Variants in LRATD2 observed in about 807,000 individuals in gnomAD.
LRATD2 encodes LRAT domain containing 2.
LRATD2 carries 10 observed loss-of-function variants against 12.0 expected under a neutral mutation model. The observed-to-expected ratio is 0.83, with a 90% CI of 0.51 to 1.41. The LOEUF is 1.41. Among genes scored for constraint, LRATD2 ranks in the 40% most tolerant of loss-of-function variants. The probability of loss-of-function intolerance (pLI) is 0.00; values close to 1 mark genes in which losing one functional copy is unlikely to be tolerated. For missense variants in LRATD2, 455 were observed against 446.1 expected (o/e 1.02, Z -0.18); for synonymous variants, 220 against 205.8 (o/e 1.07, Z -0.59).
rs1021817064 is a variant in LRATD2, at chr8:126,557,209, C to T, written c.181G>A (p.Asp61Asn). Residue 61 changes from aspartate to asparagine, a missense_variant, in exon 2 of 2, where the codon GAC (aspartate) becomes AAC (asparagine). Asp to Asn is a conservative substitution (Grantham distance 23). Transcript: ENST00000304916. The surrounding 1 kb of genome is among the most constrained non-coding windows in gnomAD (Gnocchi z 5.3). Reference protein sequence around the residue: ...PQGPDGGGLPDGGDGPPPPQP... With the variant: ...PQGPDGGGLPNGGDGPPPPQP... ...GGCGGCGGCGGCCCGTCCCCACCGT[C>T]GGGCAAGCCGCCGCCATCTGGCCCC... is the stretch of plus-strand genomic sequence containing the variant. 7.5e-6 allele frequency: 12 copies of T among 1,599,114 alleles called. No individual in the cohort carries two copies. The highest frequency in any genetic ancestry group is 1.0e-5 in the Non-Finnish European group (12 of 1,173,722).
rs1162656831 is a variant in LRATD2, at chr8:126,552,568, A to G, written c.*3889T>C. ...AAAAGATATCATCAATCTTTTATTTAACTAAGCACTGCCCTTCATTTTGAA... is the reference window on the plus strand; with the variant it reads ...AAAAGATATCATCAATCTTTTATTTGACTAAGCACTGCCCTTCATTTTGAA... On this transcript the variant is annotated 3_prime_UTR_variant, in exon 2 of 2. Coordinates refer to ENST00000304916, the MANE Select transcript of LRATD2 (RefSeq NM_174911.5). 1.3e-5 allele frequency: 2 copies of G among 152,654 alleles called. No homozygotes were observed. The highest frequency in any genetic ancestry group is 4.8e-5 in the African/African-American group (2 of 41,456). 9.5% of individuals were successfully genotyped at this position (152,654 alleles called of 1,614,324 possible). A position where few individuals can be genotyped will look rare whatever the true frequency, so the allele number is the denominator to read the frequency against.
At position 126,556,895 on chromosome 8, in the gene LRATD2, G is replaced by C. The variant is rs1817417403; in HGVS notation, c.495C>G (p.Arg165=). The C allele has an allele frequency of 6.2e-7, 1 of 1,608,054 alleles. No individual in the cohort carries two copies. Among genetic ancestry groups the C allele is most frequent in the Non-Finnish European group, 8.5e-7 (1 of 1,179,708 alleles). The part of the protein sequence containing the change: ...LTDASQGRRG[R]VVNDLYRYKP... ...TGTAGCGGTACAGATCGTTGACCAC[G>C]CGGCCGCGACGGCCCTGGCTGGCGT... The change falls in exon 2 of 2, where the codon CGC becomes CGG. Residue 165 remains arginine (R), a synonymous_variant. Transcript: ENST00000304916. This position sits in a 1 kb window ranked among gnomAD's most constrained non-coding sequence, Gnocchi z 5.6.
At position 126,555,288 on chromosome 8, in the gene LRATD2, G is replaced by A. The variant is rs1160515558; in HGVS notation, c.*1169C>T. On this transcript the variant is annotated 3_prime_UTR_variant, in exon 2 of 2. Coordinates refer to ENST00000304916, the MANE Select transcript of LRATD2 (RefSeq NM_174911.5). ...CCATTGAAATATGTGTTCAGCCTAA[G>A]ATTTTACCCACCAGCAGAACAAAAG... is the stretch of plus-strand genomic sequence containing the variant. 3 of 152,098 alleles carry A rather than the reference G, an allele frequency of 2.0e-5. No homozygotes were observed. The highest frequency in any genetic ancestry group is 2.0e-4 in the Admixed American group (3 of 15,272). The allele number at this position is 152,098 out of a possible 1,614,324, so 9.4% of individuals were successfully genotyped here.
Position 126,556,355 on chromosome 8 carries a change from G to C in LRATD2, c.*102C>G. On this transcript the variant is annotated 3_prime_UTR_variant, in exon 2 of 2. Transcript: ENST00000304916. The surrounding 1 kb of genome is among the most constrained non-coding windows in gnomAD (Gnocchi z 5.6). ...CCAAAGGGCCCAGGAATCCCAGATG[G>C]GGCCCAGACAGTGGCAAAAGAGGGA... The C allele has an allele frequency of 7.6e-7, 1 of 1,324,418 alleles. No individual in the cohort carries two copies. The highest frequency in any genetic ancestry group is 1.0e-6 in the Non-Finnish European group (1 of 998,424). The allele number at this position is 1,324,418 out of a possible 1,614,324, so 82.0% of individuals were successfully genotyped here. A position where few individuals can be genotyped will look rare whatever the true frequency, so the allele number is the denominator to read the frequency against.
Position 126,556,807 on chromosome 8 carries a change from C to G in LRATD2, c.583G>C (p.Glu195Gln), listed in dbSNP as rs747928139. Residue 195 changes from glutamate (E) to glutamine (Q), a missense_variant, in exon 2 of 2, where the codon GAG becomes CAG. Glu to Gln is a conservative substitution (Grantham distance 29). Coordinates refer to ENST00000304916, the MANE Select transcript of LRATD2 (RefSeq NM_174911.5). The surrounding 1 kb of genome is among the most constrained non-coding windows in gnomAD (Gnocchi z 5.6). ...ALAHVGAKER[E>Q]LSWRNSESFA... is the part of the protein sequence containing the mutation. The stretch of plus-strand genomic sequence containing the variant: ...CTCTCCGAGTTGCGCCAGCTCAGCT[C>G]GCGCTCCTTGGCACCCACGTGCGCC... 1.3e-6 allele frequency: 2 copies of G among 1,599,730 alleles called. No homozygotes were observed. The highest frequency in any genetic ancestry group is 1.7e-6 in the Non-Finnish European group (2 of 1,176,304).
rs1286489737 is a variant in LRATD2 at position 126,556,918 on chromosome 8, C to T, written c.472G>A (p.Ala158Thr). The change falls in exon 2 of 2, where the codon GCC becomes ACC. Residue 158 changes from alanine to threonine, a missense_variant. Coordinates refer to ENST00000304916, the MANE Select transcript of LRATD2 (RefSeq NM_174911.5). The surrounding 1 kb of genome is among the most constrained non-coding windows in gnomAD (Gnocchi z 5.6). ...ACGCGGCCGCGACGGCCCTGGCTGGCGTCAGTCAGGAAGCTGTTAATCACC... is the reference window on the plus strand; with the variant it reads ...ACGCGGCCGCGACGGCCCTGGCTGGTGTCAGTCAGGAAGCTGTTAATCACC... ...LEVINSFLTD[A>T]SQGRRGRVVN... is the part of the protein sequence containing the mutation. The T allele has an allele frequency of 6.2e-7, 1 of 1,609,770 alleles. No individual in the cohort carries two copies. Among genetic ancestry groups the T allele is most frequent in the Non-Finnish European group, 8.5e-7 (1 of 1,179,930 alleles).
Position 126,558,086 on chromosome 8 carries a change from C to G in LRATD2, c.-149G>C, listed in dbSNP as rs1817467526. On this transcript the variant is annotated 5_prime_UTR_variant, in exon 1 of 2. Transcript: ENST00000304916. ...TGGGGAAGGGCTCCCTGCCGCGCCC[C>G]GAGACTTCTAGGGCGAGTTTGAAGG... 1 of 152,320 alleles carries G rather than the reference C, an allele frequency of 6.6e-6. No individual in the cohort carries two copies. The highest frequency in any genetic ancestry group is 2.1e-4 in the South Asian group (1 of 4,844). The allele number at this position is 152,320 out of a possible 1,614,324, so 9.4% of individuals were successfully genotyped here. A position where few individuals can be genotyped will look rare whatever the true frequency, so the allele number is the denominator to read the frequency against.
In LRATD2 at chr8:126,556,840, T is replaced by C; in HGVS notation, c.550A>G (p.Asn184Asp). 4 of 1,605,314 alleles carry C rather than the reference T, an allele frequency of 2.5e-6. No homozygotes were observed. Among genetic ancestry groups the C allele is most frequent in the Non-Finnish European group, 3.4e-6 (4 of 1,179,036 alleles). Residue 184 changes from asparagine (N) to aspartate (D), a missense_variant, in exon 2 of 2, where the codon AAC becomes GAC. Transcript: ENST00000304916. The surrounding 1 kb of genome is among the most constrained non-coding windows in gnomAD (Gnocchi z 5.6). ...KPLSSSAVVR[N>D]ALAHVGAKER... ...TTGGCACCCACGTGCGCCAGCGCGT[T>C]GCGCACCACGGCGCTGGAGCTTAGC...
Position 126,557,576 on chromosome 8 carries a change from C to T in LRATD2, c.-96-91G>A, listed in dbSNP as rs1563640962. ...AAAAAGAATCGGTGGGGGCTCAGCA[C>T]CTGGAGCCATTTTAGGGGGAAGTCT... On this transcript the variant is annotated intron_variant, in intron 1 of 1. Transcript: ENST00000304916. This position sits in a 1 kb window ranked among gnomAD's most constrained non-coding sequence, Gnocchi z 5.3. 4 of 635,012 alleles carry T rather than the reference C, an allele frequency of 6.3e-6. No homozygotes were observed. Among genetic ancestry groups the T allele is most frequent in the Non-Finnish European group, 1.1e-5 (4 of 370,190 alleles). The allele number at this position is 635,012 out of a possible 1,614,324, so 39.3% of individuals were successfully genotyped here. A position where few individuals can be genotyped will look rare whatever the true frequency, so the allele number is the denominator to read the frequency against.
chr8:126,556,088 G>A lies in LRATD2; in HGVS notation c.*369C>T. 1 of 257,030 alleles carries A rather than the reference G, an allele frequency of 3.9e-6. No individual in the cohort carries two copies. The allele number at this position is 257,030 out of a possible 1,614,324, so 15.9% of individuals were successfully genotyped here. A position where few individuals can be genotyped will look rare whatever the true frequency, so the allele number is the denominator to read the frequency against. On this transcript the variant is annotated 3_prime_UTR_variant, in exon 2 of 2. Transcript: ENST00000304916. The surrounding 1 kb of genome is among the most constrained non-coding windows in gnomAD (Gnocchi z 5.6). ...AAGCCCAGGATAGGAAGCAACGGCAGGAATGGGTACTCCGAACTTTCCCCC... is the reference window on the plus strand; with the variant it reads ...AAGCCCAGGATAGGAAGCAACGGCAAGAATGGGTACTCCGAACTTTCCCCC...
chr8:126,553,488 T>C lies in LRATD2; in HGVS notation c.*2969A>G, dbSNP rs747232599. The C allele has an allele frequency of 1.3e-5, 2 of 152,666 alleles. No individual in the cohort carries two copies. The highest frequency in any genetic ancestry group is 2.9e-5 in the Non-Finnish European group (2 of 68,030). The allele number at this position is 152,666 out of a possible 1,614,324, so 9.5% of individuals were successfully genotyped here. A position where few individuals can be genotyped will look rare whatever the true frequency, so the allele number is the denominator to read the frequency against. ...ATCCGTAATTCACAGTACAAAACAGTTCTACAGTCTTATTCCTAAGGAGAA... is the reference window on the plus strand; with the variant it reads ...ATCCGTAATTCACAGTACAAAACAGCTCTACAGTCTTATTCCTAAGGAGAA... On this transcript the variant is annotated 3_prime_UTR_variant, in exon 2 of 2. Transcript: ENST00000304916.
chr8:126,557,117 G>A lies in LRATD2; in HGVS notation c.273C>T (p.Cys91=), dbSNP rs759143287. ...VECSVFYRDE[C]IYQKSFAPGS... ...CCGGCGCGAAGCTCTTCTGGTAGAT[G>A]CATTCGTCCCGGTAGAACACGGAGC... The change falls in exon 2 of 2, where the codon TGC becomes TGT. Residue 91 remains cysteine, a synonymous_variant. Transcript: ENST00000304916. This position sits in a 1 kb window ranked among gnomAD's most constrained non-coding sequence, Gnocchi z 5.3. 1 of 1,612,558 alleles carries A rather than the reference G, an allele frequency of 6.2e-7. No individual in the cohort carries two copies. Among genetic ancestry groups the A allele is most frequent in the East Asian group, 2.2e-5 (1 of 44,852 alleles).
In LRATD2 at chr8:126,557,716, T is replaced by G; in HGVS notation, c.-96-231A>C. 2.9e-6 allele frequency: 1 copy of G among 345,372 alleles called. No homozygotes were observed. The highest frequency in any genetic ancestry group is 5.3e-6 in the Non-Finnish European group (1 of 190,106). 21.4% of individuals were successfully genotyped at this position (345,372 alleles called of 1,614,324 possible). On this transcript the variant is annotated intron_variant, in intron 1 of 1. Transcript: ENST00000304916. This position sits in a 1 kb window ranked among gnomAD's most constrained non-coding sequence, Gnocchi z 5.3. Reference sequence around the variant, plus strand: ...TTCGCCTGGCCCTGGCAAAAGCCCATTGCATCAGCAGCTTCTACTGCTTCC... The same window carrying G: ...TTCGCCTGGCCCTGGCAAAAGCCCAGTGCATCAGCAGCTTCTACTGCTTCC...
Position 126,556,467 on chromosome 8 carries a change from A to G in LRATD2, c.923T>C (p.Val308Ala). 1 of 1,577,036 alleles carries G rather than the reference A, an allele frequency of 6.3e-7. No homozygotes were observed. The highest frequency in any genetic ancestry group is 8.6e-7 in the Non-Finnish European group (1 of 1,165,218). ...CGCTCAGCTCGCCCATCAGTGTGCC[A>G]CTGCCTCTCCGTCCTCCTCCTCGGA... ...PSSEEEDGEA[V>A]AH Residue 308 changes from valine (V) to alanine (A), a missense_variant, in exon 2 of 2, where the codon GTG becomes GCG. By Grantham distance (64) the Val-to-Ala change is moderately conservative. Transcript: ENST00000304916. The surrounding 1 kb of genome is among the most constrained non-coding windows in gnomAD (Gnocchi z 5.6).
In LRATD2 at chr8:126,557,183, G is replaced by GGC; in HGVS notation, c.206_207insGC (p.Gln70ProfsTer36). On this transcript the variant is annotated frameshift_variant, in exon 2 of 2. Transcript: ENST00000304916. LOFTEE classifies it high-confidence loss of function. This position sits in a 1 kb window ranked among gnomAD's most constrained non-coding sequence, Gnocchi z 5.3. ...GCCGCGGATCGTAGGGCTGCGGCTG[G>GGC]GGCGGCGGCGGCCCGTCCCCACCGT... 1.2e-6 allele frequency: 2 copies of GGC among 1,604,794 alleles called. No homozygotes were observed. Among genetic ancestry groups the GGC allele is most frequent in the East Asian group, 4.5e-5 (2 of 44,292 alleles).
rs1817394071 is a variant in LRATD2, at chr8:126,556,452, G to A, written c.*5C>T. 3 of 1,558,578 alleles carry A rather than the reference G, an allele frequency of 1.9e-6. No homozygotes were observed. The highest frequency in any genetic ancestry group is 2.3e-5 in the East Asian group (1 of 42,802). On this transcript the variant is annotated 3_prime_UTR_variant, in exon 2 of 2. Transcript: ENST00000304916. The surrounding 1 kb of genome is among the most constrained non-coding windows in gnomAD (Gnocchi z 5.6). Reference sequence around the variant, plus strand: ...CCCTTCGCAGCTCTGCGCTCAGCTCGCCCATCAGTGTGCCACTGCCTCTCC... The same window carrying A: ...CCCTTCGCAGCTCTGCGCTCAGCTCACCCATCAGTGTGCCACTGCCTCTCC...
In LRATD2 at chr8:126,554,661, A is replaced by G. The variant is rs1817348121; in HGVS notation, c.*1796T>C. ...TTTAAAGACTATGGCCTCAACGTCC[A>G]TGTGTGAAACAAGTGTATTAGAAAA... is the stretch of plus-strand genomic sequence containing the variant. On this transcript the variant is annotated 3_prime_UTR_variant, in exon 2 of 2. Coordinates refer to ENST00000304916, the MANE Select transcript of LRATD2 (RefSeq NM_174911.5). The G allele has an allele frequency of 6.6e-6, 1 of 152,248 alleles. No homozygotes were observed. The highest frequency in any genetic ancestry group is 2.1e-4 in the South Asian group (1 of 4,836). 9.4% of individuals were successfully genotyped at this position (152,248 alleles called of 1,614,324 possible). A position where few individuals can be genotyped will look rare whatever the true frequency, so the allele number is the denominator to read the frequency against.
Position 126,553,280 on chromosome 8 carries a change from G to A in LRATD2, c.*3177C>T, listed in dbSNP as rs1174353015. 1 of 152,614 alleles carries A rather than the reference G, an allele frequency of 6.6e-6. No individual in the cohort carries two copies. Among genetic ancestry groups the A allele is most frequent in the Non-Finnish European group, 1.5e-5 (1 of 68,020 alleles). 9.5% of individuals were successfully genotyped at this position (152,614 alleles called of 1,614,324 possible). A position where few individuals can be genotyped will look rare whatever the true frequency, so the allele number is the denominator to read the frequency against. On this transcript the variant is annotated 3_prime_UTR_variant, in exon 2 of 2. Coordinates refer to ENST00000304916, the MANE Select transcript of LRATD2 (RefSeq NM_174911.5). ...AGTATGAGTTCTTTCAATACAAAAA[G>A]TTGTGTAGCTGAAGTTGTGGGCTCC...
Position 126,556,165 on chromosome 8 carries a change from T to G in LRATD2, c.*292A>C, listed in dbSNP as rs951422094. ...TTATAAACCCAGATCTACCAAGGTT[T>G]AAGTGCCAGGCAAGTCCACAGTTTG... On this transcript the variant is annotated 3_prime_UTR_variant, in exon 2 of 2. Transcript: ENST00000304916. The surrounding 1 kb of genome is among the most constrained non-coding windows in gnomAD (Gnocchi z 5.6). 2.2e-6 allele frequency: 1 copy of G among 446,594 alleles called. No homozygotes were observed. The highest frequency in any genetic ancestry group is 2.1e-5 in the African/African-American group (1 of 48,390). The allele number at this position is 446,594 out of a possible 1,614,324, so 27.7% of individuals were successfully genotyped here.
Sources: allele counts gnomAD v4.1 joint callset, GRCh38; gene constraint gnomAD v4.1.1; non-coding constraint Gnocchi (gnomAD v3.1); transcripts MANE v1.5; gene names NCBI Gene and HGNC (gene_info 2026-07-23, HGNC 2026-07-21).